Variants in AKR7A3 observed in about 807,000 individuals in gnomAD.
AKR7A3 encodes aldo-keto reductase family 7 member A3, also known as AFB1 aldehyde reductase 2.
In AKR7A3, 37 loss-of-function variants were observed where a neutral mutation model predicts 32.5. The observed-to-expected ratio is 1.14, with a 90% CI of 0.88 to 1.50. The LOEUF (loss-of-function observed/expected upper bound fraction) is 1.50. Ranked by LOEUF, AKR7A3 falls within the 40% of genes most tolerant of loss-of-function variation. AKR7A3 has a pLI of 0.00. For synonymous variants in AKR7A3, 177 were observed against 188.4 expected (o/e 0.94, Z 0.50); for missense variants, 412 against 453.2 (o/e 0.91, Z 0.83).
chr1:19,283,910 G>A (rs978838403), intron 6 of AKR7A3, 86 bp downstream of exon 6: 19 of 1,583,510 alleles, frequency 1.2e-5, no homozygotes, highest in African/African-American at 5.5e-5. Context: ...CAGAGGAATC[G>A]ATAAACAAAT....
chr1:19,284,076 G>A lies in AKR7A3; in HGVS notation c.754C>T (p.Leu252=), dbSNP rs375834244. Residue 252 remains leucine, a synonymous_variant, in exon 6 of 7, where the codon CTG becomes TTG. Transcript: ENST00000361640. ...FEGIALVEKA[L]QAAYGASAPS... is the part of the protein sequence containing the mutation. ...GCGCTGGCGCCATACGCGGCCTGCA[G>A]GGCCTTCTCCACCAGGGCAATGCCC... is the stretch of plus-strand genomic sequence containing the variant. 4.2e-5 allele frequency: 67 copies of A among 1,613,594 alleles called. No homozygotes were observed. Among genetic ancestry groups the A allele is most frequent in the Non-Finnish European group, 1.3e-5 (15 of 1,179,858 alleles).
At chr1:19,278,519 C>T (rs1354828673), downstream of AKR7A3, among the ~76,000 whole-genome samples, 1 of 151,516 alleles carries the variant, frequency 6.6e-6, no homozygotes, top group East Asian at 1.9e-4. Flanking sequence ...CAAGATCGCG[C>T]CACTGCACTC....
the AKR7A3 span, among the ~76,000 whole-genome samples, chr1:19,274,445 C>T: frequency 6.6e-6 from 1 of 151,872 alleles, no homozygotes; most frequent in Non-Finnish European, 1.5e-5. Context: ...CCTCGCCCGC[C>T]CCGGAGCTGT....
intron 1 of AKR7A3, among the ~76,000 whole-genome samples, chr1:19,288,232 T>A (rs954782302): frequency 6.6e-6 from 1 of 152,026 alleles, no homozygotes; most frequent in African/African-American, 2.4e-5. Context: ...CAAGACCAAG[T>A]CATCCAGGCG....
At chr1:19,286,978 A>T (rs1443572021) in intron 1 of AKR7A3, among the ~76,000 whole-genome samples, 1 of 151,834 alleles carries the variant, frequency 6.6e-6, no homozygotes, top group African/African-American at 2.4e-5. Flanking sequence ...AAGAAGGATT[A>T]AAAAAGGAAA....
At position 19,288,675 on chromosome 1, in the gene AKR7A3, G is replaced by A. The variant is rs1180442619; in HGVS notation, c.35C>T (p.Thr12Met). The change falls in exon 1 of 7, where the codon ACG (threonine) becomes ATG (methionine). Residue 12 changes from threonine to methionine, a missense_variant. Coordinates refer to ENST00000361640, the MANE Select transcript of AKR7A3 (RefSeq NM_012067.3). ...SRQLSRARPA[T>M]VLGAMEMGRR... Reference sequence around the variant, plus strand: ...CCCCATCTCCATGGCGCCCAGCACCGTGGCTGGCCGGGCCCGCGACAGCTG... The same window carrying A: ...CCCCATCTCCATGGCGCCCAGCACCATGGCTGGCCGGGCCCGCGACAGCTG... The A allele has an allele frequency of 1.8e-5, 28 of 1,524,986 alleles. No individual in the cohort carries two copies. The highest frequency in any genetic ancestry group is 2.5e-5 in the Non-Finnish European group (28 of 1,137,112). 94.5% of individuals were successfully genotyped at this position (1,524,986 alleles called of 1,614,324 possible).
At chr1:19,284,541 G>T in intron 5 of AKR7A3, 145 bp downstream of exon 5, 1 of 924,156 alleles carries the variant, frequency 1.1e-6, no homozygotes, top group Non-Finnish European at 1.7e-6. Context: ...CAAGAAAACC[G>T]ATGGAGGGTT....
At chr1:19,288,431 G>A (rs1268928212) in intron 1 of AKR7A3, 65 bp downstream of exon 1, 18 of 1,549,428 alleles carry the variant, frequency 1.2e-5, no homozygotes, top group African/African-American at 2.7e-5. Flanking sequence ...AGAGCGGGGC[G>A]GTACACGGCT....
At chr1:19,280,335 C>T (rs192982005), downstream of AKR7A3, among the ~76,000 whole-genome samples, 40 of 151,546 alleles carry the variant, frequency 2.6e-4, no homozygotes, top group East Asian at 7.8e-3. Context: ...CCTCTGCCTC[C>T]TGGGTTCAAG....
Position 19,288,686 on chromosome 1 carries a change from G to C in AKR7A3, c.24C>G (p.Ala8=), listed in dbSNP as rs2093735674. MSRQLSR[A]RPATVLGAME... Reference sequence around the variant, plus strand: ...TGGCGCCCAGCACCGTGGCTGGCCGGGCCCGCGACAGCTGCCGGGACATGA... The same window carrying C: ...TGGCGCCCAGCACCGTGGCTGGCCGCGCCCGCGACAGCTGCCGGGACATGA... The change falls in exon 1 of 7, where the codon GCC becomes GCG. Residue 8 remains alanine, a synonymous_variant. Transcript: ENST00000361640. The C allele has an allele frequency of 6.6e-7, 1 of 1,515,646 alleles. No individual in the cohort carries two copies. The highest frequency in any genetic ancestry group is 8.8e-7 in the Non-Finnish European group (1 of 1,133,292). The allele number at this position is 1,515,646 out of a possible 1,614,324, so 93.9% of individuals were successfully genotyped here.
chr1:19,278,778 C>G (rs189786375), downstream of AKR7A3, among the ~76,000 whole-genome samples: 82 of 151,898 alleles, frequency 5.4e-4, 1 homozygote, highest in East Asian at 0.014. Context: ...TCCTCGCAAA[C>G]CTCCTCCCGG....
chr1:19,286,642 C>T (rs534917796), intron 1 of AKR7A3, among the ~76,000 whole-genome samples: 6 of 151,912 alleles, frequency 3.9e-5, no homozygotes, highest in South Asian at 4.1e-4. Flanking sequence ...GATTGTGCCA[C>T]AGCACAATGT....
rs1334742429 is a variant in AKR7A3, at chr1:19,286,211, G to A, written c.376C>T (p.Arg126Cys). Residue 126 changes from arginine (R) to cysteine (C), a missense_variant, in exon 2 of 7, where the codon CGT becomes TGT. Physicochemically the swap from Arg to Cys is radical, Grantham distance 180. Coordinates refer to ENST00000361640, the MANE Select transcript of AKR7A3 (RefSeq NM_012067.3). Reference sequence around the variant, plus strand: ...TCCTGGTGCAGCTGGTGGCAGGCACGCAGTGTCTCTTCCACCGGGGTGCTG... The same window carrying A: ...TCCTGGTGCAGCTGGTGGCAGGCACACAGTGTCTCTTCCACCGGGGTGCTG... The part of the protein sequence containing the change: ...DHSTPVEETL[R>C]ACHQLHQEGK... 29 of 1,612,864 alleles carry A rather than the reference G, an allele frequency of 1.8e-5. No homozygotes were observed. Among genetic ancestry groups the A allele is most frequent in the East Asian group, 8.9e-5 (4 of 44,894 alleles).
the AKR7A3 span, among the ~76,000 whole-genome samples, chr1:19,274,784 G>GAA: frequency 0.03 from 4,054 of 134,654 alleles, 71 homozygotes; most frequent in South Asian, 0.057. Context: ...TGTCTCAAAA[G>GAA]AAAAAAAAAA....
intron 1 of AKR7A3, among the ~76,000 whole-genome samples, 173 bp from the exon 2 acceptor site, chr1:19,286,545 T>C (rs1381171586): frequency 6.6e-6 from 1 of 151,700 alleles, no homozygotes; most frequent in African/African-American, 2.4e-5. Flanking sequence ...CTGGGCATAG[T>C]GGAGCCCGCC....
Position 19,282,823 on chromosome 1 carries a change from C to T in AKR7A3, c.904G>A (p.Ala302Thr), listed in dbSNP as rs748878779. 13 of 1,613,268 alleles carry T rather than the reference C, an allele frequency of 8.1e-6. No individual in the cohort carries two copies. The highest frequency in any genetic ancestry group is 6.6e-5 in the South Asian group (6 of 91,062). Residue 302 changes from alanine (A) to threonine (T), a missense_variant, in exon 7 of 7, where the codon GCA becomes ACA. Transcript: ENST00000361640. ...GCCGGCTCCAGGGGCCCTTCCTCTGCCGCTGCCAAGTTCTGCTCCAGCTGC... is the reference window on the plus strand; with the variant it reads ...GCCGGCTCCAGGGGCCCTTCCTCTGTCGCTGCCAAGTTCTGCTCCAGCTGC... Reference protein sequence around the residue: ...LEQLEQNLAAAEEGPLEPAVV... With the variant: ...LEQLEQNLAATEEGPLEPAVV...
downstream of AKR7A3, among the ~76,000 whole-genome samples, chr1:19,277,985 T>C (rs998957059): frequency 4.6e-5 from 7 of 152,008 alleles, no homozygotes; most frequent in African/African-American, 1.7e-4. Flanking sequence ...TGGTGTTGAT[T>C]TTACTTTTTC....
downstream of AKR7A3, among the ~76,000 whole-genome samples, chr1:19,278,873 T>G (rs1167949112): frequency 3.9e-5 from 6 of 151,992 alleles, no homozygotes; most frequent in African/African-American, 7.3e-5. Flanking sequence ...TCATGCAATA[T>G]GAAACCTTTT....
rs765661442 is a variant in AKR7A3 at position 19,282,871 on chromosome 1, T to A, written c.856A>T (p.Ile286Phe). 16 of 1,612,852 alleles carry A rather than the reference T, an allele frequency of 9.9e-6. No individual in the cohort carries two copies. Among genetic ancestry groups the A allele is most frequent in the Non-Finnish European group, 1.4e-5 (16 of 1,179,792 alleles). Reference sequence around the variant, plus strand: ...TGCTCCAGGCTGGACATGCCCAGGATGACCGCGTCCCCGTGGGCACCCTGC... The same window carrying A: ...TGCTCCAGGCTGGACATGCCCAGGAAGACCGCGTCCCCGTGGGCACCCTGC... ...QLQGAHGDAVILGMSSLEQLE... is the reference protein window; with the variant it reads ...QLQGAHGDAVFLGMSSLEQLE... The change falls in exon 7 of 7, where the codon ATC (isoleucine) becomes TTC (phenylalanine). Residue 286 changes from isoleucine to phenylalanine, a missense_variant. Coordinates refer to ENST00000361640, the MANE Select transcript of AKR7A3 (RefSeq NM_012067.3).
Sources: allele counts gnomAD v4.1 joint callset (sites outside exome capture counted in the v4.1 genomes callset), GRCh38; gene constraint gnomAD v4.1.1; transcripts MANE v1.5; gene names NCBI Gene and HGNC (gene_info 2026-07-23, HGNC 2026-07-21).